The following KRI1 variants were observed in gnomAD, a reference collection of about 807,000 sequenced individuals.
The protein encoded by KRI1 is KRI1 homolog.
Under a neutral mutation model 97.0 loss-of-function variants are expected in KRI1, and 83 were observed. That is an observed-to-expected ratio of 0.86 (90% CI 0.72 to 1.03). The LOEUF (loss-of-function observed/expected upper bound fraction) is 1.03, where lower values mean the gene tolerates loss of function less well. Among genes scored for constraint, KRI1 ranks in the 50% least tolerant of loss-of-function variants. KRI1 has a pLI of 0.00. For missense variants in KRI1, 916 were observed against 928.4 expected, an observed-to-expected ratio of 0.99 and a Z score of 0.17; for synonymous variants, 371 against 363.5, an observed-to-expected ratio of 1.02 and a Z score of -0.23.
chr19:10,563,835 G>T (rs1916771380), intron 3 of KRI1, among the ~76,000 whole-genome samples: 2 of 151,894 alleles, frequency 1.3e-5, no homozygotes, highest in African/African-American at 4.8e-5. Context: ...GCTGAGTTCT[G>T]AATCTTTTGT....
At chr19:10,557,157 T>C (rs1257912781) in intron 16 of KRI1, among the ~76,000 whole-genome samples, 3 of 147,968 alleles carry the variant, frequency 2.0e-5, no homozygotes, top group Non-Finnish European at 4.5e-5. Flanking sequence ...TAGGCTGGAG[T>C]GCAGTGGTGC....
At chr19:10,554,999 G>A (rs1916452620) in intron 18 of KRI1, 88 bp downstream of exon 18, 2 of 1,102,672 alleles carry the variant, frequency 1.8e-6, no homozygotes, top group Admixed American at 2.1e-5. Flanking sequence ...CATTCCCAAA[G>A]TCATGCAACA....
chr19:10,560,297 G>A lies in KRI1; in HGVS notation c.800+15C>T, dbSNP rs1184824622. The stretch of plus-strand genomic sequence containing the variant: ...GCACCCAAAATCTAGGTCCTGGGGA[G>A]ATGCAGTGGCTCACCCCTCCTCTTC... On this transcript the variant is annotated intron_variant, in intron 9 of 18. Coordinates refer to ENST00000312962, the MANE Select transcript of KRI1 (RefSeq NM_023008.5). The A allele has an allele frequency of 6.3e-7, 1 of 1,593,962 alleles. No individual in the cohort carries two copies. Among genetic ancestry groups the A allele is most frequent in the Non-Finnish European group, 8.5e-7 (1 of 1,170,630 alleles).
rs1568422768 is a variant in KRI1 at position 10,559,798 on chromosome 19, C to CCAGCCA, written c.927+6_927+11dup. 1 of 1,613,734 alleles carries CCAGCCA rather than the reference C, an allele frequency of 6.2e-7. No homozygotes were observed. The highest frequency in any genetic ancestry group is 8.5e-7 in the Non-Finnish European group (1 of 1,179,876). On this transcript the variant is annotated intron_variant, in intron 10 of 18. Transcript: ENST00000312962. ...CCTGGGGGCTGAGTCCTCCCCAGCCCCAGCCACACACCGATGCTGAGTCCG... is the reference window on the plus strand; with the variant it reads ...CCTGGGGGCTGAGTCCTCCCCAGCCCCAGCCACAGCCACACACCGATGCTGAGTCCG...
rs962008708 is a variant in KRI1, at chr19:10,564,859, CCA to C, written c.274+68_274+69del. On this transcript the variant is annotated intron_variant, in intron 3 of 18. Coordinates refer to ENST00000312962, the MANE Select transcript of KRI1 (RefSeq NM_023008.5). ...GAGAAGTCAAGTCACTTCTCTGAAT[CCA>C]CAGTCAGGAAAGGACCCCGGATTCT... The C allele has an allele frequency of 4.2e-5, 40 of 960,312 alleles. No individual in the cohort carries two copies. In the African/African-American group the frequency reaches 5.5e-4, roughly 13 times the overall value. 59.5% of individuals were successfully genotyped at this position (960,312 alleles called of 1,614,324 possible). A position where few individuals can be genotyped will look rare whatever the true frequency, so the allele number is the denominator to read the frequency against.
Position 10,554,000 on chromosome 19 carries a change from T to G in KRI1, c.2063A>C (p.Gln688Pro), listed in dbSNP as rs750066788. The change falls in exon 19 of 19, where the codon CAG (glutamine) becomes CCG (proline). Residue 688 changes from glutamine to proline, a missense_variant. Gln to Pro is a moderately conservative substitution (Grantham distance 76). Around this residue, in one of 3 missense-constraint regions of KRI1, gnomAD observed 672 missense variants for 667.2 expected, o/e 1.01. Transcript: ENST00000312962. Reference protein sequence around the residue: ...GLNPKRLHFRQLGRQRRKQQG... With the variant: ...GLNPKRLHFRPLGRQRRKQQG... ...TTGTTTCCTCCGCTGCCGGCCCAGC[T>G]GGCGGAAGTGCAGCCGTTTGGGGTT... 4 of 1,612,882 alleles carry G rather than the reference T, an allele frequency of 2.5e-6. No homozygotes were observed. Among genetic ancestry groups the G allele is most frequent in the Admixed American group, 3.3e-5 (2 of 59,828 alleles).
In KRI1 at chr19:10,554,060, T is replaced by G; in HGVS notation, c.2003A>C (p.Glu668Ala). 6.2e-7 allele frequency: 1 copy of G among 1,614,164 alleles called. No individual in the cohort carries two copies. Residue 668 changes from glutamate (E) to alanine (A), a missense_variant, in exon 19 of 19, where the codon GAG becomes GCG. Physicochemically the swap from Glu to Ala is moderately radical, Grantham distance 107. This residue lies in a region of KRI1 where 672 missense variants were observed against 667.2 expected (regional missense o/e 1.01). Coordinates refer to ENST00000312962, the MANE Select transcript of KRI1 (RefSeq NM_023008.5). ...LGPTVMLGGC[E>A]FSRQRLQAFG... Reference sequence around the variant, plus strand: ...GGCCTGCAGTCTCTGGCGGCTGAACTCGCATCCACCAAGCATCACAGTGGG... The same window carrying G: ...GGCCTGCAGTCTCTGGCGGCTGAACGCGCATCCACCAAGCATCACAGTGGG...
In KRI1 at chr19:10,565,842, C is replaced by G. The variant is rs1340297519; in HGVS notation, c.95-52G>C. ...CCCCAGGTCAGCCGGCGGGGCCACT[C>G]GACTCCCCACTTCCCAACCGGCCGG... On this transcript the variant is annotated intron_variant, in intron 1 of 18. Coordinates refer to ENST00000312962, the MANE Select transcript of KRI1 (RefSeq NM_023008.5). 3.9e-6 allele frequency: 6 copies of G among 1,545,144 alleles called. No homozygotes were observed. In the African/African-American group the frequency reaches 7.0e-5, roughly 18 times the overall value.
chr19:10,559,684 C>T lies in KRI1; in HGVS notation c.952G>A (p.Ala318Thr), dbSNP rs144086254. 744 of 1,614,020 alleles carry T rather than the reference C, an allele frequency of 4.6e-4. 2 individuals carry two copies. The highest frequency in any genetic ancestry group is 3.6e-3 in the Middle Eastern group (22 of 6,062). Residue 318 changes from alanine to threonine, a missense_variant, in exon 11 of 19, where the codon GCG becomes ACG. By Grantham distance (58) the Ala-to-Thr change is moderately conservative. Transcript: ENST00000312962. ...TCATCCTTACGGCGCACGGAGGACG[C>T]GATGCTGCGTGGGTAGGTCTTGACC... The part of the protein sequence containing the change: ...ASVKTYPRSI[A>T]SSVRRKDERR...
At position 10,553,305 on chromosome 19, in the gene KRI1, C is replaced by G. The variant is rs1399727978; in HGVS notation, c.*646G>C. The G allele has an allele frequency of 5.8e-6, 3 of 521,538 alleles. No individual in the cohort carries two copies. The East Asian group carries it at 9.2e-5, about 16-fold the overall frequency. The allele number at this position is 521,538 out of a possible 1,614,324, so 32.3% of individuals were successfully genotyped here. On this transcript the variant is annotated 3_prime_UTR_variant, in exon 19 of 19. Transcript: ENST00000312962. The stretch of plus-strand genomic sequence containing the variant: ...GGGAAGGAGGACCCCGGGCACCCCC[C>G]TCAGGGCCTGACTCACGTACTGTAG...
intron 13 of KRI1, 52 bp from the exon 14 acceptor site, chr19:10,558,112 A>C (rs1364329048): frequency 1.9e-6 from 3 of 1,612,714 alleles, no homozygotes; most frequent in South Asian, 2.2e-5. Flanking sequence ...CTTGGGCTTC[A>C]GTCCCAGTCC....
At chr19:10,563,528 G>A (rs1213882924) in intron 3 of KRI1, among the ~76,000 whole-genome samples, 2 of 151,722 alleles carry the variant, frequency 1.3e-5, no homozygotes, top group African/African-American at 2.4e-5. Flanking sequence ...GTTATTTTTA[G>A]TAGAGATGGG....
At chr19:10,559,284 C>G (rs768935761) in intron 12 of KRI1, 75 bp downstream of exon 12, 1 of 1,517,584 alleles carries the variant, frequency 6.6e-7, no homozygotes, top group South Asian at 1.2e-5. Context: ...GGATTACAGG[C>G]GTGAGCCACC....
At chr19:10,562,338 C>G (rs1916727872) in intron 4 of KRI1, among the ~76,000 whole-genome samples, 1 of 151,900 alleles carries the variant, frequency 6.6e-6, no homozygotes, top group African/African-American at 2.4e-5. Context: ...GCATGAGCCA[C>G]CATGCCCGGC....
At chr19:10,557,475 G>A in intron 16 of KRI1, 77 bp downstream of exon 16, 2 of 1,467,926 alleles carry the variant, frequency 1.4e-6, no homozygotes, top group Non-Finnish European at 1.9e-6. Flanking sequence ...ACAGAGATTG[G>A]GACTCAGGGC....
At chr19:10,565,285 G>T in intron 2 of KRI1, 1 of 566,156 alleles carries the variant, frequency 1.8e-6, no homozygotes. Flanking sequence ...GGAAGACAAA[G>T]ACTTGACAAG....
At chr19:10,560,922 A>T in intron 8 of KRI1, 81 bp downstream of exon 8, 1 of 1,081,338 alleles carries the variant, frequency 9.2e-7, no homozygotes, top group Non-Finnish European at 1.4e-6. Context: ...TCCCATCTTC[A>T]GAGGGTTACT....
Position 10,553,237 on chromosome 19 carries a change from C to T in KRI1, c.*714G>A, listed in dbSNP as rs907618714. 2 of 849,122 alleles carry T rather than the reference C, an allele frequency of 2.4e-6. No homozygotes were observed. Among genetic ancestry groups the T allele is most frequent in the African/African-American group, 3.4e-5 (2 of 58,660 alleles). 52.6% of individuals were successfully genotyped at this position (849,122 alleles called of 1,614,324 possible). A position where few individuals can be genotyped will look rare whatever the true frequency, so the allele number is the denominator to read the frequency against. The stretch of plus-strand genomic sequence containing the variant: ...CAGCCAGGGACAGAGCCCACAGAGC[C>T]CATACACCTGTCTCCCACCAGCGGG... On this transcript the variant is annotated 3_prime_UTR_variant, in exon 19 of 19. Transcript: ENST00000312962.
Position 10,559,413 on chromosome 19 carries a change from C to G in KRI1, c.1140G>C (p.Glu380Asp), listed in dbSNP as rs758564901. The change falls in exon 12 of 19, where the codon GAG (glutamate) becomes GAC (aspartate). Residue 380 changes from glutamate to aspartate, a missense_variant. Coordinates refer to ENST00000312962, the MANE Select transcript of KRI1 (RefSeq NM_023008.5). ...KVTGNEMLGL[E>D]EGDLEDDFDP... ...CGAAGTCGTCTTCAAGGTCCCCCTC[C>G]TCGAGGCCCAGCATCTCGTTGCCTG... 7 of 1,614,000 alleles carry G rather than the reference C, an allele frequency of 4.3e-6. No individual in the cohort carries two copies. The highest frequency in any genetic ancestry group is 5.9e-6 in the Non-Finnish European group (7 of 1,180,022).
Sources: allele counts gnomAD v4.1 joint callset (sites outside exome capture counted in the v4.1 genomes callset), GRCh38; gene constraint gnomAD v4.1.1; regional missense constraint gnomAD v4.1.1; transcripts MANE v1.5; gene names NCBI Gene and HGNC (gene_info 2026-07-23, HGNC 2026-07-21).